CAMKMT: variants seen among roughly 807,000 people sequenced by gnomAD.
CAMKMT encodes the protein CaM KMT.
Under a neutral mutation model 48.0 loss-of-function variants are expected in CAMKMT, and 53 were observed. The ratio of observed to expected loss-of-function variants is 1.10; its 90% CI spans 0.89 to 1.39. CAMKMT has a LOEUF of 1.39. CAMKMT is among the 40% of genes most tolerant of loss of function. The pLI, the probability that CAMKMT is intolerant of heterozygous loss-of-function variation, is 0.00. For synonymous variants in CAMKMT, 165 were observed against 152.3 expected, an observed-to-expected ratio of 1.08 and a Z score of -0.61; for missense variants, 428 against 402.7, an observed-to-expected ratio of 1.06 and a Z score of -0.54.
At chr2:44,508,250 G>A (rs931847953) in intron 3 of CAMKMT, among the ~76,000 whole-genome samples, 4 of 152,152 alleles carry the variant, frequency 2.6e-5, no homozygotes, top group Non-Finnish European at 5.9e-5. Flanking sequence ...ATCAACACAT[G>A]AGAGTTGCCT....
intron 3 of CAMKMT, among the ~76,000 whole-genome samples, chr2:44,427,638 C>T (rs1241984425): frequency 6.6e-6 from 1 of 152,080 alleles, no homozygotes; most frequent in South Asian, 2.1e-4. Context: ...TGTCACAAAC[C>T]ACCACAAGTA....
intron 3 of CAMKMT, among the ~76,000 whole-genome samples, chr2:44,589,883 T>TTAAAA (rs1317497090): frequency 4.3e-5 from 1 of 23,268 alleles, no homozygotes; most frequent in African/African-American, 1.6e-4. Context: ...GAATGATCAA[T>TTAAAA]AAAAAAAAAA....
chr2:44,768,306 G>T (rs1316571799), intron 10 of CAMKMT, among the ~76,000 whole-genome samples: 3 of 147,972 alleles, frequency 2.0e-5, no homozygotes, highest in African/African-American at 5.1e-5. Flanking sequence ...TGCAGAGTTG[G>T]CACATCCTGG....
rs148207305 is a variant in CAMKMT, at chr2:44,613,869, G to A, written c.377-90414G>A. On this transcript the variant is annotated intron_variant, in intron 3 of 10. Coordinates refer to ENST00000378494, the MANE Select transcript of CAMKMT (RefSeq NM_024766.5). ...TGTGATCCCCTTGGTTTTCACGTCC[G>A]TCTCTATGGAATGAAGAGGTTCAAT... 2.3e-3 allele frequency among the ~76,000 whole-genome samples: 352 copies of A among 152,216 alleles called. 2 individuals are homozygous for A. Among genetic ancestry groups the A allele is most frequent in the African/African-American group, 7.9e-3 (329 of 41,532 alleles).
At chr2:44,401,025 A>T (rs1443288300) in intron 3 of CAMKMT, 6 of 150,142 alleles carry the variant, frequency 4.0e-5, no homozygotes, top group Non-Finnish European at 8.9e-5. Flanking sequence ...TATAGATTGG[A>T]ACAGAAAGAG....
At chr2:44,423,506 C>T (rs1231978445) in intron 3 of CAMKMT, among the ~76,000 whole-genome samples, 1 of 152,172 alleles carries the variant, frequency 6.6e-6, no homozygotes, top group Non-Finnish European at 1.5e-5. Context: ...TCAAATAGCA[C>T]TTCAAGCATC....
At chr2:44,742,450 A>AG (rs1052496006) in intron 7 of CAMKMT, among the ~76,000 whole-genome samples, 4 of 152,138 alleles carry the variant, frequency 2.6e-5, no homozygotes, top group Non-Finnish European at 5.9e-5. Context: ...GATACAGCGT[A>AG]GGAATTGGGG....
chr2:44,375,370 A>G lies in CAMKMT; in HGVS notation c.311+2482A>G, dbSNP rs190581714. On this transcript the variant is annotated intron_variant, in intron 2 of 10. Coordinates refer to ENST00000378494, the MANE Select transcript of CAMKMT (RefSeq NM_024766.5). ...ATAAATATTTAATAGCACCTTCTAT[A>G]TATATATAAAAAAACAGAAATAAAT... Among the ~76,000 whole-genome samples the G allele has an allele frequency of 2.1e-3, 325 of 151,730 alleles. 1 individual carries two copies. The highest frequency in any genetic ancestry group is 3.8e-3 in the Non-Finnish European group (255 of 67,894).
intron 3 of CAMKMT, among the ~76,000 whole-genome samples, chr2:44,659,075 G>GT (rs1192483405): frequency 0.041 from 3,524 of 86,000 alleles, 86 homozygotes; most frequent in African/African-American, 0.068. Flanking sequence ...TGTGTGTGTA[G>GT]TTTTTTTTTT....
At chr2:44,450,735 T>G (rs376393935) in intron 3 of CAMKMT, among the ~76,000 whole-genome samples, 7 of 152,292 alleles carry the variant, frequency 4.6e-5, no homozygotes, top group African/African-American at 1.7e-4. Flanking sequence ...TCACTATTTC[T>G]CTGTGGAGTC....
At chr2:44,409,801 C>T (rs1683065007) in intron 3 of CAMKMT, among the ~76,000 whole-genome samples, 1 of 151,790 alleles carries the variant, frequency 6.6e-6, no homozygotes, top group African/African-American at 2.4e-5. Context: ...TGCAGAGAAG[C>T]AATATGATGG....
At chr2:44,710,466 G>A (rs1256702912) in intron 6 of CAMKMT, among the ~76,000 whole-genome samples, 2 of 152,028 alleles carry the variant, frequency 1.3e-5, no homozygotes, top group East Asian at 1.9e-4. Context: ...CTGGGTCTAC[G>A]AACTCAAAGC....
chr2:44,733,568 A>G (rs772912605), intron 7 of CAMKMT, among the ~76,000 whole-genome samples: 10 of 152,168 alleles, frequency 6.6e-5, no homozygotes, highest in Non-Finnish European at 8.8e-5. Context: ...GATGTTAACT[A>G]TAGGTTTTTC....
intron 3 of CAMKMT, among the ~76,000 whole-genome samples, chr2:44,410,477 A>G (rs554902966): frequency 6.6e-6 from 1 of 150,758 alleles, no homozygotes; most frequent in South Asian, 2.1e-4. Context: ...GCCAGGAAGT[A>G]TATTTTACAA....
At chr2:44,481,213 T>A (rs1220462783) in intron 3 of CAMKMT, among the ~76,000 whole-genome samples, 1 of 151,992 alleles carries the variant, frequency 6.6e-6, no homozygotes, top group Non-Finnish European at 1.5e-5. Flanking sequence ...ACTGAAAAAA[T>A]TATTTGTTTT....
chr2:44,536,206 C>T (rs1029773039), intron 3 of CAMKMT, among the ~76,000 whole-genome samples: 1 of 151,958 alleles, frequency 6.6e-6, no homozygotes, highest in Admixed American at 6.6e-5. Context: ...AGAAATTGAA[C>T]AGAACACAAA....
intron 3 of CAMKMT, among the ~76,000 whole-genome samples, chr2:44,441,459 T>G (rs1666656852): frequency 6.6e-6 from 1 of 152,212 alleles, no homozygotes; most frequent in Non-Finnish European, 1.5e-5. Context: ...CTCTATCTGC[T>G]TTCTCTCATG....
chr2:44,436,572 A>AT (rs71393275), intron 3 of CAMKMT, among the ~76,000 whole-genome samples: 26,819 of 147,896 alleles, frequency 0.18, 2,719 homozygotes, highest in Middle Eastern at 0.28. Context: ...CTTATTTTTA[A>AT]TTTTTTTTTT....
chr2:44,598,982 G>A (rs1670829360), intron 3 of CAMKMT, among the ~76,000 whole-genome samples: 2 of 151,862 alleles, frequency 1.3e-5, no homozygotes, highest in African/African-American at 4.8e-5. Flanking sequence ...TTTTGTCTGT[G>A]CAGGGCTCAC....
Sources: allele counts gnomAD v4.1 joint callset (sites outside exome capture counted in the v4.1 genomes callset), GRCh38; gene constraint gnomAD v4.1.1; transcripts MANE v1.5; gene names NCBI Gene and HGNC (gene_info 2026-07-23, HGNC 2026-07-21).